The following DPP6 variants were observed in gnomAD, a reference collection of about 807,000 sequenced individuals.
The protein encoded by DPP6 is dipeptidyl peptidase like 6, also known as A-type potassium channel modulatory protein DPP6.
DPP6 carries 69 observed loss-of-function variants against 122.6 expected under a neutral mutation model. That is an observed-to-expected ratio of 0.56 (90% CI 0.46 to 0.69). The LOEUF is 0.69. DPP6 is among the 30% of genes least tolerant of loss of function. DPP6 has a pLI of 0.00. For synonymous variants in DPP6, 418 were observed against 433.1 expected, an observed-to-expected ratio of 0.97 and a Z score of 0.43; for missense variants, 928 against 1,116.9, an observed-to-expected ratio of 0.83 and a Z score of 2.41.
chr7:154,127,634 G>GACACAC (rs1045351086), intron 1 of DPP6, among the ~76,000 whole-genome samples: 4 of 59,722 alleles, frequency 6.7e-5, no homozygotes, highest in African/African-American at 1.3e-4. Flanking sequence ...CACACACACA[G>GACACAC]ACACACACAC....
chr7:154,608,425 T>C (rs1313592566), intron 5 of DPP6, among the ~76,000 whole-genome samples: 3 of 149,836 alleles, frequency 2.0e-5, no homozygotes, highest in Non-Finnish European at 4.4e-5. Flanking sequence ...CCTCCCAGGT[T>C]CAAAGGATTC....
intron 1 of DPP6, among the ~76,000 whole-genome samples, chr7:154,063,733 C>A (rs543269778): frequency 5.3e-5 from 8 of 151,368 alleles, no homozygotes; most frequent in Non-Finnish European, 7.4e-5. Flanking sequence ...CCTCTTCCCC[C>A]CCGGCTTAGG....
intron 1 of DPP6, among the ~76,000 whole-genome samples, chr7:153,997,422 A>C (rs1285244036): frequency 2.6e-5 from 4 of 152,088 alleles, no homozygotes; most frequent in African/African-American, 9.7e-5. Flanking sequence ...TATCTGGTGA[A>C]CGAGTAAATA....
At chr7:154,049,884 C>T (rs1347027695), upstream of DPP6, among the ~76,000 whole-genome samples, 1 of 152,038 alleles carries the variant, frequency 6.6e-6, no homozygotes, top group Non-Finnish European at 1.5e-5. Context: ...CGCGCCCGGC[C>T]AGAACATTCT....
At chr7:154,865,693 C>A (rs534654187) in intron 17 of DPP6, among the ~76,000 whole-genome samples, 2 of 152,232 alleles carry the variant, frequency 1.3e-5, no homozygotes, top group East Asian at 1.9e-4. Context: ...AGTCTGGCCT[C>A]AGTTTTTCCA....
At chr7:154,276,592 C>T (rs148739721) in intron 1 of DPP6, among the ~76,000 whole-genome samples, 2,142 of 152,214 alleles carry the variant, frequency 0.014, 21 homozygotes, top group Non-Finnish European at 0.023. Context: ...AGAATGGGAC[C>T]TCTGCTCAGC....
intron 7 of DPP6, among the ~76,000 whole-genome samples, chr7:154,721,235 C>T (rs767335239): frequency 6.6e-5 from 10 of 152,188 alleles, no homozygotes; most frequent in Non-Finnish European, 1.2e-4. Context: ...GAACCTGCTG[C>T]GTAAGGTCCA....
intron 1 of DPP6, among the ~76,000 whole-genome samples, chr7:153,912,118 AT>A (rs1320185058): frequency 6.6e-6 from 1 of 152,234 alleles, no homozygotes; most frequent in Non-Finnish European, 1.5e-5. Context: ...CCAAAAAAAA[AT>A]ATGTACACTA....
chr7:154,262,198 C>T (rs1388207272), intron 1 of DPP6, among the ~76,000 whole-genome samples: 1 of 152,106 alleles, frequency 6.6e-6, no homozygotes, highest in African/African-American at 2.4e-5. Flanking sequence ...TAATTTACTG[C>T]GATGTGGATG....
At chr7:154,335,081 G>A (rs1809285900) in intron 1 of DPP6, among the ~76,000 whole-genome samples, 1 of 152,148 alleles carries the variant, frequency 6.6e-6, no homozygotes, top group Non-Finnish European at 1.5e-5. Flanking sequence ...GTGGAAAACA[G>A]GCAGGTAATT....
At chr7:154,165,491 G>T (rs1350852268) in intron 1 of DPP6, among the ~76,000 whole-genome samples, 1 of 150,922 alleles carries the variant, frequency 6.6e-6, no homozygotes, top group Non-Finnish European at 1.5e-5. Context: ...CTTTATAGCA[G>T]CATGATTTAT....
intron 1 of DPP6, among the ~76,000 whole-genome samples, chr7:154,248,159 T>C (rs1417091636): frequency 6.6e-6 from 1 of 151,882 alleles, no homozygotes; most frequent in Non-Finnish European, 1.5e-5. Flanking sequence ...TCACAAAGGC[T>C]CCCCCTCCTT....
At chr7:154,727,987 A>G (rs1177067701) in intron 8 of DPP6, 100 bp downstream of exon 8, 1 of 1,489,204 alleles carries the variant, frequency 6.7e-7, no homozygotes, top group Admixed American at 2.3e-5. Flanking sequence ...TTAACTGTAA[A>G]TTAAACTCCA....
chr7:154,088,445 C>T (rs1176389087), intron 1 of DPP6, among the ~76,000 whole-genome samples: 1 of 147,678 alleles, frequency 6.8e-6, no homozygotes, highest in Admixed American at 6.7e-5. Flanking sequence ...CCATGACTTG[C>T]GGGAGCCCCG....
chr7:154,800,109 A>G (rs1587180025), intron 12 of DPP6, among the ~76,000 whole-genome samples: 2 of 152,386 alleles, frequency 1.3e-5, no homozygotes, highest in South Asian at 4.1e-4. Context: ...GTTGGCAAAT[A>G]GAAGTGCATT....
intron 1 of DPP6, among the ~76,000 whole-genome samples, chr7:153,928,471 A>T (rs891494714): frequency 7.7e-6 from 1 of 129,596 alleles, no homozygotes; most frequent in African/African-American, 3.0e-5. Context: ...TGAACTCCCA[A>T]CCTCAGGTGA....
At chr7:153,871,857 C>T in the DPP6 span, among the ~76,000 whole-genome samples, 17 of 152,154 alleles carry the variant, frequency 1.1e-4, no homozygotes, top group Non-Finnish European at 1.9e-4. Flanking sequence ...CAGTATGAAC[C>T]TTCTTTTTGC....
intron 1 of DPP6, among the ~76,000 whole-genome samples, chr7:154,137,641 T>TGGGGGGGGG (rs1221969502): frequency 1.8e-4 from 5 of 27,278 alleles, no homozygotes; most frequent in Middle Eastern, 0.017. Flanking sequence ...GAGGAGATGG[T>TGGGGGGGGG]GGGGGGGGTG....
intron 5 of DPP6, among the ~76,000 whole-genome samples, chr7:154,615,993 G>A (rs754644068): frequency 2.1e-4 from 32 of 152,170 alleles, no homozygotes; most frequent in Non-Finnish European, 3.4e-4. Flanking sequence ...TGCATCTGGT[G>A]TATTGCTCTT....
Sources: gnomAD v4.1 joint callset for allele counts (sites outside exome capture counted in the v4.1 genomes callset) on GRCh38, gnomAD v4.1.1 for gene constraint, MANE v1.5 for transcripts, NCBI Gene and HGNC (gene_info 2026-07-23, HGNC 2026-07-21) for gene names.